SNTG1: variants seen among roughly 807,000 people sequenced by gnomAD.
SNTG1 encodes the protein gamma-1-syntrophin.
A neutral mutation model predicts 74.7 loss-of-function variants in SNTG1; 39 were observed. That is an observed-to-expected ratio of 0.52 (90% confidence interval 0.40 to 0.68). The LOEUF (loss-of-function observed/expected upper bound fraction) is 0.68, where lower values mean the gene tolerates loss of function less well. Ranked by LOEUF, SNTG1 falls within the 30% of genes least tolerant of loss-of-function variation. SNTG1 has a pLI of 0.00. For synonymous variants in SNTG1, 254 were observed against 217.1 expected (o/e 1.17, Z -1.49); for missense variants, 685 against 609.5 (o/e 1.12, Z -1.30).
chr8:50,234,704 A>T (rs1239440643), intron 2 of SNTG1, among the ~76,000 whole-genome samples: 1 of 152,068 alleles, frequency 6.6e-6, no homozygotes, highest in Non-Finnish European at 1.5e-5. Flanking sequence ...TATCCTAAAT[A>T]TTGCTACTAT....
At chr8:50,710,140 A>T (rs2095457539) in intron 17 of SNTG1, among the ~76,000 whole-genome samples, 2 of 152,308 alleles carry the variant, frequency 1.3e-5, no homozygotes, top group South Asian at 4.1e-4. Context: ...ATCTCACATT[A>T]CTTAAACATA....
chr8:49,944,523 A>C (rs893357219), intron 1 of SNTG1, among the ~76,000 whole-genome samples: 2 of 142,352 alleles, frequency 1.4e-5, no homozygotes, highest in Admixed American at 1.5e-4. Flanking sequence ...GTGGGAATTG[A>C]ACAATGAGAA....
At chr8:50,112,962 C>T (rs541125406) in intron 1 of SNTG1, among the ~76,000 whole-genome samples, 27 of 152,120 alleles carry the variant, frequency 1.8e-4, no homozygotes, top group Non-Finnish European at 2.5e-4. Flanking sequence ...ATCTCTGTTT[C>T]GGTACCAGTA....
chr8:49,943,864 T>A (rs1808917524), intron 1 of SNTG1, among the ~76,000 whole-genome samples: 1 of 152,206 alleles, frequency 6.6e-6, no homozygotes, highest in African/African-American at 2.4e-5. Flanking sequence ...CCCACTTAAG[T>A]TTAAATGATT....
At chr8:50,058,051 C>A (rs1021265008) in intron 1 of SNTG1, among the ~76,000 whole-genome samples, 2 of 152,004 alleles carry the variant, frequency 1.3e-5, no homozygotes, top group African/African-American at 4.8e-5. Context: ...TTGTAAATTT[C>A]TATGGGTGAA....
At chr8:50,664,974 T>C (rs1387192917) in intron 15 of SNTG1, among the ~76,000 whole-genome samples, 1 of 152,198 alleles carries the variant, frequency 6.6e-6, no homozygotes, top group Non-Finnish European at 1.5e-5. Context: ...ACTGCCTGTT[T>C]CAGAGCTAGC....
intron 2 of SNTG1, among the ~76,000 whole-genome samples, chr8:50,375,264 C>T (rs1382734912): frequency 6.6e-6 from 1 of 152,072 alleles, no homozygotes; most frequent in African/African-American, 2.4e-5. Flanking sequence ...AGATGGCCTT[C>T]AGGCACATGG....
intron 1 of SNTG1, among the ~76,000 whole-genome samples, chr8:50,003,460 T>C (rs1316188770): frequency 6.6e-6 from 1 of 152,200 alleles, no homozygotes; most frequent in South Asian, 2.1e-4. Flanking sequence ...TCACTTTTAA[T>C]TAAATTCTTG....
At chr8:50,604,502 G>A (rs1165580030) in intron 13 of SNTG1, among the ~76,000 whole-genome samples, 1 of 152,066 alleles carries the variant, frequency 6.6e-6, no homozygotes, top group Non-Finnish European at 1.5e-5. Flanking sequence ...AAACTACAAG[G>A]CAATGCCCTT....
intron 1 of SNTG1, among the ~76,000 whole-genome samples, chr8:49,956,207 C>T (rs980691659): frequency 6.6e-6 from 1 of 152,162 alleles, no homozygotes; most frequent in African/African-American, 2.4e-5. Flanking sequence ...TTAGGTTCTG[C>T]AAAGACATAA....
chr8:50,130,611 AAATTAGAAAGAATTTTTGTT>A (rs2081286060), intron 1 of SNTG1, among the ~76,000 whole-genome samples: 1 of 144,454 alleles, frequency 6.9e-6, no homozygotes, highest in Admixed American at 7.0e-5. Flanking sequence ...TTACTTATAA[AAATTAGAAAGAATTTTTGTT>A]TTACAAAACC....
intron 1 of SNTG1, among the ~76,000 whole-genome samples, chr8:49,958,082 A>T (rs543219921): frequency 6.6e-6 from 1 of 152,274 alleles, no homozygotes; most frequent in East Asian, 1.9e-4. Flanking sequence ...CAGTGTTGGT[A>T]AGAGGTTGGG....
intron 5 of SNTG1, among the ~76,000 whole-genome samples, chr8:50,445,537 G>T (rs1459623836): frequency 1.3e-5 from 2 of 152,130 alleles, no homozygotes; most frequent in African/African-American, 2.4e-5. Context: ...TTCTCAAAAT[G>T]CTTTAGATGG....
rs115638103 is a variant in SNTG1 at position 50,413,237 on chromosome 8, A to C, written c.162+10893A>C. On this transcript the variant is annotated intron_variant, in intron 4 of 18. Transcript: ENST00000642720. ...GTGCCCATCAGCAGCTTAATGATAG[A>C]TAGAGATGGATGATAGATGCATAGA... Among the ~76,000 whole-genome samples, 642 of 152,334 alleles carry C rather than the reference A, an allele frequency of 4.2e-3. 7 individuals carry two copies. Among genetic ancestry groups the C allele is most frequent in the African/African-American group, 0.011 (471 of 41,580 alleles).
intron 1 of SNTG1, among the ~76,000 whole-genome samples, chr8:50,107,544 G>T (rs186622689): frequency 1.3e-5 from 2 of 151,122 alleles, no homozygotes; most frequent in Non-Finnish European, 2.9e-5. Flanking sequence ...ACATAAATGC[G>T]GAATCAAGGT....
At chr8:50,562,271 A>G (rs555586378) in intron 12 of SNTG1, among the ~76,000 whole-genome samples, 51 of 152,368 alleles carry the variant, frequency 3.3e-4, no homozygotes, top group African/African-American at 1.2e-3. Flanking sequence ...TTAAGGTTAC[A>G]GATACCATTA....
At chr8:50,221,395 A>G (rs2085057431) in intron 2 of SNTG1, among the ~76,000 whole-genome samples, 1 of 151,934 alleles carries the variant, frequency 6.6e-6, no homozygotes, top group African/African-American at 2.4e-5. Context: ...ACAAAGCTGA[A>G]GTGTTAAAAA....
intron 16 of SNTG1, chr8:50,707,993 G>A (rs2131547257): frequency 2.8e-6 from 1 of 351,520 alleles, no homozygotes; most frequent in South Asian, 1.5e-4. Flanking sequence ...ACGAGGTCAG[G>A]CGTTCGAGAC....
At chr8:50,433,662 G>A (rs1463641883) in intron 4 of SNTG1, among the ~76,000 whole-genome samples, 2 of 152,096 alleles carry the variant, frequency 1.3e-5, no homozygotes, top group South Asian at 2.1e-4. Context: ...ACACCAGTGG[G>A]TTGCTGTGAT....
Sources: gnomAD v4.1 joint callset for allele counts (sites outside exome capture counted in the v4.1 genomes callset) on GRCh38, gnomAD v4.1.1 for gene constraint, MANE v1.5 for transcripts, NCBI Gene and HGNC (gene_info 2026-07-23, HGNC 2026-07-21) for gene names.